The following ASCC1 variants were observed in gnomAD, a reference collection of about 807,000 sequenced individuals.
The protein encoded by ASCC1 is ASC-1 complex subunit P50.
A neutral mutation model predicts 46.6 loss-of-function variants in ASCC1; 35 were observed. The ratio of observed to expected loss-of-function variants is 0.75; its 90% confidence interval spans 0.57 to 0.99. The LOEUF is 0.99. Ranked by LOEUF, ASCC1 falls within the 50% of genes least tolerant of loss-of-function variation. The probability of loss-of-function intolerance (pLI) is 0.00; values close to 1 mark genes in which losing one functional copy is unlikely to be tolerated. For synonymous variants in ASCC1, 143 were observed against 146.6 expected, an observed-to-expected ratio of 0.98 and a Z score of 0.18; for missense variants, 376 against 428.7, an observed-to-expected ratio of 0.88 and a Z score of 1.09.
At chr10:72,150,490 TG>T (rs1848199841) in intron 7 of ASCC1, among the ~76,000 whole-genome samples, 1 of 152,182 alleles carries the variant, frequency 6.6e-6, no homozygotes, top group Non-Finnish European at 1.5e-5. Context: ...CCAGTGCATG[TG>T]GGGCTCTCTG....
At chr10:72,097,484 T>C in intron 9 of ASCC1, 34 bp from the exon 10 acceptor site, 2 of 1,292,550 alleles carry the variant, frequency 1.5e-6, no homozygotes, top group Non-Finnish European at 2.3e-6. Flanking sequence ...AGAATGAATA[T>C]TTAAAGTATA....
In ASCC1 at chr10:72,176,343, GTTTC is replaced by G. The variant is rs1451645326; in HGVS notation, c.490-14673_490-14670del. On this transcript the variant is annotated intron_variant, in intron 5 of 9. Transcript: ENST00000672957. Reference sequence around the variant, plus strand: ...CCTTGCTTAAAATCTTAACTAGTTTGTTTCTTTCTTTCTTTTGGAGACAGGGTCT... The same window carrying G: ...CCTTGCTTAAAATCTTAACTAGTTTGTTTCTTTCTTTTGGAGACAGGGTCT... 7.2e-5 allele frequency among the ~76,000 whole-genome samples: 11 copies of G among 152,012 alleles called. No individual in the cohort carries two copies. In the East Asian group the frequency reaches 1.4e-3, roughly 19 times the overall value.
At chr10:72,201,586 C>T (rs7085442) in intron 4 of ASCC1, among the ~76,000 whole-genome samples, 20,684 of 151,224 alleles carry the variant, frequency 0.14, 3,998 homozygotes, top group African/African-American at 0.43. Context: ...CTTGGAAGGC[C>T]GAGGGAAAAG....
intron 5 of ASCC1, among the ~76,000 whole-genome samples, chr10:72,172,788 T>A (rs1166596003): frequency 7.4e-6 from 1 of 136,012 alleles, no homozygotes; most frequent in Non-Finnish European, 1.5e-5. Context: ...TTATATTATA[T>A]ATTATATATT....
intron 4 of ASCC1, among the ~76,000 whole-genome samples, chr10:72,199,290 ATTTTTTT>A (rs755710978): frequency 9.9e-5 from 12 of 121,186 alleles, no homozygotes; most frequent in Non-Finnish European, 1.4e-4. Flanking sequence ...CACCCAGCTA[ATTTTTTT>A]TTTTTTTTTT....
intron 7 of ASCC1, among the ~76,000 whole-genome samples, chr10:72,145,803 C>A (rs1007809832): frequency 1.3e-5 from 2 of 152,214 alleles, no homozygotes; most frequent in Admixed American, 1.3e-4. Flanking sequence ...GCTTTATTCA[C>A]TACTCTATAC....
chr10:72,166,788 T>A (rs1358260978), intron 5 of ASCC1, among the ~76,000 whole-genome samples: 4 of 152,186 alleles, frequency 2.6e-5, no homozygotes, highest in Non-Finnish European at 5.9e-5. Flanking sequence ...TTTGAACAGA[T>A]ATTTTCCCAA....
intron 6 of ASCC1, among the ~76,000 whole-genome samples, chr10:72,156,156 T>C (rs1283205279): frequency 6.6e-6 from 1 of 152,186 alleles, no homozygotes; most frequent in Admixed American, 6.5e-5. Flanking sequence ...ATAAATGAGC[T>C]CTCACTCTGA....
At chr10:72,137,151 AGCG>A in intron 7 of ASCC1, among the ~76,000 whole-genome samples, 1 of 152,074 alleles carries the variant, frequency 6.6e-6, no homozygotes, top group African/African-American at 2.4e-5. Context: ...CCTGGCCTCA[AGCG>A]ACCTTCCCTC....
chr10:72,211,102 C>G (rs112670675), intron 2 of ASCC1, among the ~76,000 whole-genome samples: 1 of 152,154 alleles, frequency 6.6e-6, no homozygotes, highest in African/African-American at 2.4e-5. Context: ...TAGTTCCCCC[C>G]ATCTGTGGTT....
chr10:72,190,746 C>A (rs889278375), intron 5 of ASCC1, among the ~76,000 whole-genome samples: 1 of 151,962 alleles, frequency 6.6e-6, no homozygotes, highest in Non-Finnish European at 1.5e-5. Context: ...GCCTGTAATC[C>A]CAGCACTTTG....
At chr10:72,192,957 A>G (rs1312449163) in intron 5 of ASCC1, among the ~76,000 whole-genome samples, 3 of 152,258 alleles carry the variant, frequency 2.0e-5, no homozygotes, top group Non-Finnish European at 2.9e-5. Context: ...CTATTAGAAT[A>G]GCAAAAATAA....
In ASCC1 at chr10:72,096,844, G is replaced by A. The variant is rs1274201948; in HGVS notation, c.*490C>T. 5 of 453,996 alleles carry A rather than the reference G, an allele frequency of 1.1e-5. No homozygotes were observed. The Admixed American group carries it at 1.2e-4, about 11-fold the overall frequency. 28.1% of individuals were successfully genotyped at this position (453,996 alleles called of 1,614,324 possible). ...AGTCACTGTATGATTCCACTTATAT[G>A]AGATACTGAGAATAGTCAAAACCAG... On this transcript the variant is annotated 3_prime_UTR_variant, in exon 10 of 10. Transcript: ENST00000672957.
Position 72,143,163 on chromosome 10 carries a change from GAA to G in ASCC1, c.746+9704_746+9705del, listed in dbSNP as rs34005540. ...GTGACAGAGCGAGACTCCGTCTCAG[GAA>G]AAAAAAAAAAAAAAAAAGGTATTAA... On this transcript the variant is annotated intron_variant, in intron 7 of 9. Coordinates refer to ENST00000672957, the MANE Select transcript of ASCC1 (RefSeq NM_001198800.3). 3.9e-3 allele frequency among the ~76,000 whole-genome samples: 342 copies of G among 87,294 alleles called. 2 individuals are homozygous for G. The highest frequency in any genetic ancestry group is 0.013 in the African/African-American group (298 of 23,434). 57.3% of individuals were successfully genotyped at this position (87,294 alleles called of 152,430 possible).
At chr10:72,131,154 C>T (rs978461612) in intron 8 of ASCC1, among the ~76,000 whole-genome samples, 1 of 152,202 alleles carries the variant, frequency 6.6e-6, no homozygotes, top group Non-Finnish European at 1.5e-5. Context: ...GGCGCAGTGG[C>T]TCATGCCTGT....
rs184425590 is a variant in ASCC1 at position 72,133,572 on chromosome 10, G to A, written c.747-391C>T. The A allele has an allele frequency of 1.1e-4, 32 of 295,164 alleles. 1 individual carries two copies. The Admixed American group carries it at 1.1e-3, about 10-fold the overall frequency. The allele number at this position is 295,164 out of a possible 1,614,324, so 18.3% of individuals were successfully genotyped here. On this transcript the variant is annotated intron_variant, in intron 7 of 9. Transcript: ENST00000672957. ...AGCAAGTGCAAAGATGCCAAGGCAT[G>A]CAAGATCACAGCATATTCAAAAAAC...
chr10:72,098,184 C>CT (rs1473730435), intron 9 of ASCC1, among the ~76,000 whole-genome samples: 1 of 152,218 alleles, frequency 6.6e-6, no homozygotes, highest in Non-Finnish European at 1.5e-5. Flanking sequence ...CCAAGAGGGA[C>CT]TGGACTTTGT....
chr10:72,135,872 A>G (rs1221715655), intron 7 of ASCC1, among the ~76,000 whole-genome samples: 2 of 152,240 alleles, frequency 1.3e-5, no homozygotes, highest in Admixed American at 1.3e-4. Context: ...TGAATGTCAA[A>G]GAACACAATA....
At chr10:72,186,268 C>A (rs1466700081) in intron 5 of ASCC1, among the ~76,000 whole-genome samples, 4 of 151,612 alleles carry the variant, frequency 2.6e-5, no homozygotes, top group African/African-American at 9.7e-5. Flanking sequence ...AGCTGGGGTG[C>A]CCACCACTGC....
Sources: gnomAD v4.1 joint callset for allele counts (sites outside exome capture counted in the v4.1 genomes callset) on GRCh38, gnomAD v4.1.1 for gene constraint, MANE v1.5 for transcripts, NCBI Gene and HGNC (gene_info 2026-07-23, HGNC 2026-07-21) for gene names.